CCDC90B: variants seen among roughly 807,000 people sequenced by gnomAD.
CCDC90B encodes the protein coiled-coil domain-containing protein 90B, mitochondrial.
In CCDC90B, 24 loss-of-function variants were observed where a neutral mutation model predicts 37.0. That is an observed-to-expected ratio of 0.65 (90% CI 0.47 to 0.91). The LOEUF is 0.91. Ranked by LOEUF, CCDC90B falls within the 40% of genes least tolerant of loss-of-function variation. CCDC90B has a pLI of 0.00. For missense variants in CCDC90B, 319 were observed against 299.0 expected, an observed-to-expected ratio of 1.07 and a Z score of -0.49; for synonymous variants, 113 against 101.1, an observed-to-expected ratio of 1.12 and a Z score of -0.71.
At chr11:83,274,078 A>G in intron 4 of CCDC90B, 86 bp from the exon 5 acceptor site, 1 of 1,040,644 alleles carries the variant, frequency 9.6e-7, no homozygotes, top group East Asian at 2.7e-5. Flanking sequence ...GATTACCAAA[A>G]TTTGGACAAT....
chr11:83,260,016 G>T lies in CCDC90B; in HGVS notation c.*1895C>A, dbSNP rs1198857388. ...AGATGGGCTGGTCCCAAACAGGAGTGGGGAGGAAGTGGGCTAATTGCACCT... is the reference window on the plus strand; with the variant it reads ...AGATGGGCTGGTCCCAAACAGGAGTTGGGAGGAAGTGGGCTAATTGCACCT... On this transcript the variant is annotated 3_prime_UTR_variant, in exon 9 of 9. Transcript: ENST00000529689. 1 of 152,248 alleles carries T rather than the reference G, an allele frequency of 6.6e-6. No homozygotes were observed. The highest frequency in any genetic ancestry group is 1.9e-4 in the East Asian group (1 of 5,188). The allele number at this position is 152,248 out of a possible 1,614,324, so 9.4% of individuals were successfully genotyped here. A position where few individuals can be genotyped will look rare whatever the true frequency, so the allele number is the denominator to read the frequency against.
At chr11:83,273,055 A>C (rs1864777628) in intron 7 of CCDC90B, among the ~76,000 whole-genome samples, 1 of 151,900 alleles carries the variant, frequency 6.6e-6, no homozygotes, top group Non-Finnish European at 1.5e-5. Context: ...ATATTAAGTG[A>C]ATTAACAGAT....
At chr11:83,270,453 C>T (rs1864585512) in intron 7 of CCDC90B, among the ~76,000 whole-genome samples, 1 of 152,186 alleles carries the variant, frequency 6.6e-6, no homozygotes. Flanking sequence ...TTCAGAAAGT[C>T]TCAGGATACA....
At chr11:83,264,156 A>G (rs1055933429) in intron 8 of CCDC90B, among the ~76,000 whole-genome samples, 1 of 152,184 alleles carries the variant, frequency 6.6e-6, no homozygotes, top group East Asian at 1.9e-4. Context: ...TCAATACAGT[A>G]TTGTCCTTAA....
At chr11:83,281,282 C>G (rs1005670335) in intron 1 of CCDC90B, among the ~76,000 whole-genome samples, 1 of 152,184 alleles carries the variant, frequency 6.6e-6, no homozygotes, top group African/African-American at 2.4e-5. Flanking sequence ...GTGATTCCTT[C>G]TTTATATCCT....
rs1028341097 is a variant in CCDC90B at position 83,285,538 on chromosome 11, TC to T, written c.100+334del. 1.1e-5 allele frequency: 13 copies of T among 1,185,746 alleles called. No homozygotes were observed. The Admixed American group carries it at 5.8e-4, about 53-fold the overall frequency. 73.5% of individuals were successfully genotyped at this position (1,185,746 alleles called of 1,614,324 possible). ...GGCCACAAAAGAAAACAGGACACCC[TC>T]AAACACAGATTACCTTACGTTGGCT... On this transcript the variant is annotated intron_variant, in intron 1 of 8. Coordinates refer to ENST00000529689, the MANE Select transcript of CCDC90B (RefSeq NM_021825.5).
intron 7 of CCDC90B, among the ~76,000 whole-genome samples, chr11:83,268,678 T>G (rs1864449957): frequency 6.6e-6 from 1 of 152,150 alleles, no homozygotes; most frequent in South Asian, 2.1e-4. Context: ...AACACTCCAC[T>G]GTCAATATTA....
intron 1 of CCDC90B, chr11:83,285,331 C>CA: frequency 1.7e-6 from 2 of 1,193,704 alleles, no homozygotes; most frequent in Non-Finnish European, 2.1e-6. Flanking sequence ...ACAGGGGTGC[C>CA]AACAGGTTGG....
intron 8 of CCDC90B, among the ~76,000 whole-genome samples, chr11:83,264,206 C>A (rs1312316430): frequency 6.6e-6 from 1 of 152,012 alleles, no homozygotes; most frequent in East Asian, 1.9e-4. Context: ...TAATAAAGGA[C>A]TGGATACATA....
At chr11:83,278,859 T>A in intron 2 of CCDC90B, 30 bp from the exon 3 acceptor site, 1 of 1,346,056 alleles carries the variant, frequency 7.4e-7, no homozygotes, top group Non-Finnish European at 1.1e-6. Flanking sequence ...ATTTTATTTT[T>A]TTTAAAGTGT....
intron 3 of CCDC90B, among the ~76,000 whole-genome samples, chr11:83,276,069 C>T (rs1050434688): frequency 9.2e-5 from 14 of 152,110 alleles, no homozygotes; most frequent in African/African-American, 3.4e-4. Context: ...TAACTGTGTA[C>T]AACAGACATT....
At chr11:83,282,550 C>T (rs924278746) in intron 1 of CCDC90B, among the ~76,000 whole-genome samples, 2 of 152,198 alleles carry the variant, frequency 1.3e-5, no homozygotes, top group African/African-American at 4.8e-5. Context: ...TGCAGCTCGT[C>T]TCATGTCCTA....
intron 8 of CCDC90B, 110 bp downstream of exon 8, chr11:83,265,755 A>G (rs1864220763): frequency 3.1e-6 from 2 of 643,372 alleles, no homozygotes; most frequent in African/African-American, 1.8e-5. Context: ...GCAATAAAGG[A>G]GCCTTGTTAT....
rs1376633725 is a variant in CCDC90B at position 83,261,609 on chromosome 11, G to C, written c.*302C>G. ...CTGTATGATTTACACAACTGTTCAA[G>C]CAAACATAAGAAAACTCTGGTTCAA... is the stretch of plus-strand genomic sequence containing the variant. On this transcript the variant is annotated 3_prime_UTR_variant, in exon 9 of 9. Coordinates refer to ENST00000529689, the MANE Select transcript of CCDC90B (RefSeq NM_021825.5). 1 of 209,440 alleles carries C rather than the reference G, an allele frequency of 4.8e-6. No individual in the cohort carries two copies. The highest frequency in any genetic ancestry group is 5.9e-5 in the Admixed American group (1 of 17,006). 13.0% of individuals were successfully genotyped at this position (209,440 alleles called of 1,614,324 possible). A position where few individuals can be genotyped will look rare whatever the true frequency, so the allele number is the denominator to read the frequency against.
chr11:83,265,048 T>C (rs564743808), intron 8 of CCDC90B, among the ~76,000 whole-genome samples: 86 of 152,146 alleles, frequency 5.7e-4, no homozygotes, highest in Non-Finnish European at 9.7e-4. Flanking sequence ...GCATGGCACA[T>C]GTATACATAT....
In CCDC90B at chr11:83,285,965, C is replaced by G. The variant is rs370146161; in HGVS notation, c.8G>C (p.Ser3Thr). ...GAGAAAGAGCCGCCAAGCCTGGCGA[C>G]TATTCATGTCCTCAGAGTTTTCCGG... MN[S>T]RQAWRLFLSQ... is the part of the protein sequence containing the mutation. Residue 3 changes from serine (S) to threonine (T), a missense_variant, in exon 1 of 9, where the codon AGT becomes ACT. Physicochemically the swap from Ser to Thr is moderately conservative, Grantham distance 58. Coordinates refer to ENST00000529689, the MANE Select transcript of CCDC90B (RefSeq NM_021825.5). 6.2e-7 allele frequency: 1 copy of G among 1,610,858 alleles called. No homozygotes were observed. Among genetic ancestry groups the G allele is most frequent in the Non-Finnish European group, 8.5e-7 (1 of 1,178,618 alleles).
intron 1 of CCDC90B, chr11:83,285,110 C>G: frequency 8.2e-7 from 1 of 1,221,516 alleles, no homozygotes; most frequent in Non-Finnish European, 1.0e-6. Flanking sequence ...GTTTGGGTAC[C>G]GAATGGCTCA....
At chr11:83,264,902 G>C (rs1016958657) in intron 8 of CCDC90B, among the ~76,000 whole-genome samples, 2 of 140,660 alleles carry the variant, frequency 1.4e-5, no homozygotes, top group African/African-American at 5.3e-5. Context: ...GGTGGGAACT[G>C]AACAATGAGA....
chr11:83,284,343 A>G (rs1865559016), intron 1 of CCDC90B, among the ~76,000 whole-genome samples: 1 of 152,240 alleles, frequency 6.6e-6, no homozygotes, highest in Non-Finnish European at 1.5e-5. Context: ...GCAAACATGT[A>G]AAGTGTTGTC....
Sources: gnomAD v4.1 joint callset for allele counts (sites outside exome capture counted in the v4.1 genomes callset) on GRCh38, gnomAD v4.1.1 for gene constraint, MANE v1.5 for transcripts, NCBI Gene and HGNC (gene_info 2026-07-23, HGNC 2026-07-21) for gene names.